Variants in LY86 observed in about 807,000 individuals in gnomAD.
LY86 encodes lymphocyte antigen 86, also known as MD-1, RP105-associated.
A neutral mutation model predicts 17.3 loss-of-function variants in LY86; 20 were observed. The observed-to-expected ratio is 1.15, with a 90% CI of 0.81 to 1.68. The LOEUF (loss-of-function observed/expected upper bound fraction) is 1.68. LY86 is among the 40% of genes most tolerant of loss of function. LY86 has a pLI of 0.00. For synonymous variants in LY86, 74 were observed against 70.6 expected (o/e 1.05, Z -0.24); for missense variants, 200 against 191.9 (o/e 1.04, Z -0.25).
In LY86 at chr6:6,605,742, C is replaced by T. The variant is rs142386096; in HGVS notation, c.136+16872C>T. On this transcript the variant is annotated intron_variant, in intron 1 of 4. Transcript: ENST00000230568. ...GGTGAGTGTTACAGTTCTTAAAAGG[C>T]AGTGTGTCCAGAACTTATTCTTTCT... Among the ~76,000 whole-genome samples, 80 of 152,338 alleles carry T rather than the reference C, an allele frequency of 5.3e-4. 1 individual carries two copies. In the Middle Eastern group the frequency reaches 0.01, roughly 19 times the overall value.
chr6:6,603,458 A>G (rs76287492), intron 1 of LY86, among the ~76,000 whole-genome samples: 184 of 152,176 alleles, frequency 1.2e-3, no homozygotes, highest in African/African-American at 4.2e-3. Flanking sequence ...GCCTTGCTAT[A>G]AAGTATCTGA....
chr6:6,613,107 C>CT (rs1336875697), intron 1 of LY86, among the ~76,000 whole-genome samples: 1 of 152,384 alleles, frequency 6.6e-6, no homozygotes, highest in East Asian at 1.9e-4. Context: ...GGTGCATTCA[C>CT]AAACCCTGAG....
chr6:6,592,346 G>C (rs768537411), intron 1 of LY86, among the ~76,000 whole-genome samples: 8 of 152,320 alleles, frequency 5.3e-5, no homozygotes, highest in Non-Finnish European at 1.2e-4. Context: ...CCTTGGGTTT[G>C]CTAAATCACG....
chr6:6,648,184 C>T (rs1159322263), intron 3 of LY86, among the ~76,000 whole-genome samples: 1 of 152,138 alleles, frequency 6.6e-6, no homozygotes, highest in Non-Finnish European at 1.5e-5. Context: ...CACCCTTCAC[C>T]AATCCATCAT....
intron 3 of LY86, among the ~76,000 whole-genome samples, chr6:6,645,235 A>C (rs1406978607): frequency 6.6e-6 from 1 of 152,172 alleles, no homozygotes; most frequent in Non-Finnish European, 1.5e-5. Flanking sequence ...ACCTAGTCTC[A>C]TTGCGTATTT....
intron 1 of LY86, among the ~76,000 whole-genome samples, chr6:6,616,952 C>T (rs1166786955): frequency 2.0e-5 from 3 of 152,190 alleles, no homozygotes; most frequent in Admixed American, 6.5e-5. Flanking sequence ...GTCATGGTTC[C>T]CGCTGTCCCT....
intron 1 of LY86, among the ~76,000 whole-genome samples, chr6:6,593,532 A>AT (rs1760597654): frequency 6.6e-6 from 1 of 152,250 alleles, no homozygotes; most frequent in African/African-American, 2.4e-5. Context: ...TGTGAAGATT[A>AT]TGTGAGAAGG....
At chr6:6,639,132 G>T (rs2064234) in intron 3 of LY86, among the ~76,000 whole-genome samples, 49,023 of 151,658 alleles carry the variant, frequency 0.32, 8,046 homozygotes, top group Middle Eastern at 0.42. Context: ...TGTAGGGACA[G>T]GGATGAAACT....
At chr6:6,606,375 G>GT (rs936320348) in intron 1 of LY86, among the ~76,000 whole-genome samples, 3 of 152,144 alleles carry the variant, frequency 2.0e-5, no homozygotes, top group African/African-American at 7.2e-5. Flanking sequence ...GGTTCTCCAA[G>GT]TCCCCCCCAG....
At chr6:6,589,618 C>A (rs1323497472) in intron 1 of LY86, among the ~76,000 whole-genome samples, 2 of 152,146 alleles carry the variant, frequency 1.3e-5, no homozygotes, top group Non-Finnish European at 1.5e-5. Context: ...ACTTAAATAA[C>A]AGATTTATTT....
intron 4 of LY86, among the ~76,000 whole-genome samples, chr6:6,654,164 A>G (rs1762227025): frequency 6.6e-6 from 1 of 151,330 alleles, no homozygotes; most frequent in Non-Finnish European, 1.5e-5. Context: ...CCATAGCAGC[A>G]CTGCACCTTC....
intron 1 of LY86, chr6:6,621,381 A>T (rs1761670330): frequency 6.6e-6 from 1 of 152,258 alleles, no homozygotes; most frequent in Non-Finnish European, 1.5e-5. Flanking sequence ...GTCACTGTTC[A>T]TACTGTAGAA....
chr6:6,588,784 G>C lies in LY86; in HGVS notation c.50G>C (p.Ser17Thr), dbSNP rs771510951. 7 of 1,614,162 alleles carry C rather than the reference G, an allele frequency of 4.3e-6. No individual in the cohort carries two copies. In the South Asian group the frequency reaches 6.6e-5, roughly 15 times the overall value. Residue 17 changes from serine to threonine, a missense_variant, in exon 1 of 5, where the codon AGC becomes ACC. Ser to Thr is a moderately conservative substitution (Grantham distance 58). Coordinates refer to ENST00000230568, the MANE Select transcript of LY86 (RefSeq NM_004271.4). ...TLFLWTLIFPSCSGGGGGKAW... is the reference protein window; with the variant it reads ...TLFLWTLIFPTCSGGGGGKAW... The stretch of plus-strand genomic sequence containing the variant: ...TTCCTCTGGACTCTGATTTTTCCCA[G>C]CTGCAGTGGAGGCGGCGGTGGGAAA...
chr6:6,635,475 C>T (rs775795349), intron 3 of LY86, among the ~76,000 whole-genome samples: 7 of 151,932 alleles, frequency 4.6e-5, no homozygotes, highest in Non-Finnish European at 8.8e-5. Context: ...CTCAAAATAC[C>T]GTAACATTTT....
rs761508572 is a variant in LY86, at chr6:6,654,526, GA to G, written c.406-17del. On this transcript the variant is annotated splice_polypyrimidine_tract_variant and intron_variant, in intron 4 of 4. Coordinates refer to ENST00000230568, the MANE Select transcript of LY86 (RefSeq NM_004271.4). ...ACTGTGGGTCACACGTCTAATACTT[GA>G]CCTGTGCCCCTTGCAGGGAGAATAC... 5.4e-5 allele frequency: 86 copies of G among 1,595,996 alleles called. No homozygotes were observed. Among genetic ancestry groups the G allele is most frequent in the Non-Finnish European group, 7.0e-5 (82 of 1,163,622 alleles).
intron 1 of LY86, among the ~76,000 whole-genome samples, chr6:6,610,758 C>T (rs1761311555): frequency 6.6e-6 from 1 of 152,142 alleles, no homozygotes; most frequent in Non-Finnish European, 1.5e-5. Flanking sequence ...GTTTTGATGT[C>T]ACACTATGAG....
intron 1 of LY86, among the ~76,000 whole-genome samples, chr6:6,604,213 A>T (rs1314802052): frequency 1.3e-5 from 2 of 152,224 alleles, no homozygotes; most frequent in African/African-American, 4.8e-5. Context: ...CAAAATTCAA[A>T]AAGACAAGGA....
At chr6:6,628,370 A>AC (rs1481499660) in intron 3 of LY86, among the ~76,000 whole-genome samples, 4 of 124,398 alleles carry the variant, frequency 3.2e-5, no homozygotes, top group African/African-American at 1.2e-4. Flanking sequence ...ATCTTGCTCC[A>AC]CCCCCCTATA....
At chr6:6,602,597 G>A (rs554193648) in intron 1 of LY86, among the ~76,000 whole-genome samples, 1 of 152,300 alleles carries the variant, frequency 6.6e-6, no homozygotes, top group African/African-American at 2.4e-5. Flanking sequence ...CACCAGGAGA[G>A]TGAAGAAGCG....
Sources: gnomAD v4.1 joint callset for allele counts (sites outside exome capture counted in the v4.1 genomes callset) on GRCh38, gnomAD v4.1.1 for gene constraint, MANE v1.5 for transcripts, NCBI Gene and HGNC (gene_info 2026-07-23, HGNC 2026-07-21) for gene names.